SGCZ: variants seen among roughly 807,000 people sequenced by gnomAD.
SGCZ encodes the protein sarcoglycan zeta.
In SGCZ, 40 loss-of-function variants were observed where a neutral mutation model predicts 41.3. The observed-to-expected ratio is 0.97, with a 90% CI of 0.75 to 1.26. The LOEUF is 1.26. Ranked by LOEUF, SGCZ falls within the 50% of genes most tolerant of loss-of-function variation. The pLI, the probability that SGCZ is intolerant of heterozygous loss-of-function variation, is 0.00. For missense variants in SGCZ, 552 were observed against 369.8 expected, an observed-to-expected ratio of 1.49 and a Z score of -4.04; for synonymous variants, 206 against 137.5, an observed-to-expected ratio of 1.50 and a Z score of -3.49.
chr8:14,610,641 C>T (rs1190665246), intron 1 of SGCZ, among the ~76,000 whole-genome samples: 1 of 152,126 alleles, frequency 6.6e-6, no homozygotes, highest in African/African-American at 2.4e-5. Context: ...TAAAATTTTG[C>T]TTCCCCTACA....
chr8:14,651,576 C>A (rs13278643), intron 1 of SGCZ, among the ~76,000 whole-genome samples: 1 of 151,782 alleles, frequency 6.6e-6, no homozygotes, highest in Non-Finnish European at 1.5e-5. Context: ...TTCTTCACTA[C>A]GCACACTCAC....
At chr8:14,442,838 G>C (rs887012460) in intron 2 of SGCZ, among the ~76,000 whole-genome samples, 5 of 152,078 alleles carry the variant, frequency 3.3e-5, no homozygotes, top group African/African-American at 4.8e-5. Context: ...TTATCTTTAA[G>C]CTCTGTTATT....
chr8:14,999,169 G>C (rs1210681132), intron 1 of SGCZ, among the ~76,000 whole-genome samples: 2 of 152,150 alleles, frequency 1.3e-5, no homozygotes, highest in Non-Finnish European at 2.9e-5. Context: ...ACATATATGA[G>C]AAACGGTTCA....
At chr8:14,614,738 T>C (rs1035046820) in intron 1 of SGCZ, among the ~76,000 whole-genome samples, 1 of 151,888 alleles carries the variant, frequency 6.6e-6, no homozygotes, top group Admixed American at 6.6e-5. Context: ...GACTAATAAG[T>C]AGTTTTTGAT....
At chr8:14,351,196 C>T (rs1187510391) in intron 2 of SGCZ, among the ~76,000 whole-genome samples, 3 of 152,170 alleles carry the variant, frequency 2.0e-5, no homozygotes, top group Non-Finnish European at 4.4e-5. Flanking sequence ...ATTCTTATTA[C>T]TGGTATTACC....
chr8:14,407,352 T>A (rs1799240516), intron 2 of SGCZ, among the ~76,000 whole-genome samples: 1 of 152,098 alleles, frequency 6.6e-6, no homozygotes, highest in Admixed American at 6.6e-5. Context: ...AACTACACTT[T>A]TAAAATATTG....
intron 3 of SGCZ, among the ~76,000 whole-genome samples, chr8:14,297,662 T>G (rs1355075770): frequency 6.6e-6 from 1 of 151,892 alleles, no homozygotes; most frequent in East Asian, 1.9e-4. Context: ...ATGGAAAAAT[T>G]CCTTGAAAAA....
chr8:14,712,944 C>T (rs1237104454), intron 1 of SGCZ, among the ~76,000 whole-genome samples: 1 of 151,870 alleles, frequency 6.6e-6, no homozygotes, highest in Non-Finnish European at 1.5e-5. Flanking sequence ...AGCAGTAGGG[C>T]CAAGACACAA....
intron 1 of SGCZ, among the ~76,000 whole-genome samples, chr8:15,200,489 C>T (rs923563921): frequency 2.0e-5 from 3 of 152,018 alleles, no homozygotes; most frequent in Admixed American, 6.6e-5. Flanking sequence ...TCTGGAGCTC[C>T]CTTACCTAAA....
intron 1 of SGCZ, among the ~76,000 whole-genome samples, chr8:15,152,792 G>A (rs951078572): frequency 6.6e-6 from 1 of 152,204 alleles, no homozygotes; most frequent in East Asian, 1.9e-4. Flanking sequence ...GTATTGTCTA[G>A]AGCAAAAATA....
chr8:15,121,264 A>T (rs1056862304), intron 1 of SGCZ, among the ~76,000 whole-genome samples: 4 of 152,336 alleles, frequency 2.6e-5, no homozygotes, highest in Admixed American at 6.5e-5. Context: ...ACAATTACCA[A>T]TACTATCTGC....
intron 5 of SGCZ, among the ~76,000 whole-genome samples, chr8:14,160,540 T>C (rs1294108724): frequency 6.6e-6 from 1 of 152,190 alleles, no homozygotes; most frequent in Non-Finnish European, 1.5e-5. Context: ...ATATATTCAG[T>C]GATACAGAGA....
intron 1 of SGCZ, among the ~76,000 whole-genome samples, chr8:14,931,581 AT>A: frequency 6.6e-6 from 1 of 152,118 alleles, no homozygotes. Flanking sequence ...AAAAAATCTG[AT>A]TATGATAGTC....
chr8:14,697,425 A>G (rs1808999917), intron 1 of SGCZ, among the ~76,000 whole-genome samples: 1 of 152,206 alleles, frequency 6.6e-6, no homozygotes, highest in South Asian at 2.1e-4. Context: ...TATACTGCTT[A>G]TCTTTAAAAT....
chr8:14,759,375 G>A (rs1470955459), intron 1 of SGCZ, among the ~76,000 whole-genome samples: 2 of 151,982 alleles, frequency 1.3e-5, no homozygotes, highest in Non-Finnish European at 2.9e-5. Context: ...TTTGGTTTGA[G>A]GTTGTTTTCT....
At chr8:14,555,171 G>T (rs961677143) in intron 1 of SGCZ, among the ~76,000 whole-genome samples, 2 of 151,902 alleles carry the variant, frequency 1.3e-5, no homozygotes, top group Non-Finnish European at 2.9e-5. Context: ...TTTCCAGTCA[G>T]ATTTGTCCCA....
chr8:15,076,335 A>G (rs568888073), intron 1 of SGCZ, among the ~76,000 whole-genome samples: 10 of 152,310 alleles, frequency 6.6e-5, no homozygotes, highest in African/African-American at 2.4e-4. Flanking sequence ...GCTACAAACA[A>G]TTGAAGCGAG....
At chr8:14,744,506 T>A (rs534219243) in intron 1 of SGCZ, among the ~76,000 whole-genome samples, 4 of 152,144 alleles carry the variant, frequency 2.6e-5, no homozygotes, top group Non-Finnish European at 4.4e-5. Flanking sequence ...ACTTCCTTTT[T>A]TTCTGGAGAA....
intron 1 of SGCZ, among the ~76,000 whole-genome samples, chr8:14,885,562 C>T (rs559543607): frequency 3.3e-5 from 5 of 152,032 alleles, no homozygotes; most frequent in South Asian, 2.1e-4. Context: ...CTTTCACAGC[C>T]GGCATTATGA....
Sources: allele counts gnomAD v4.1 joint callset (sites outside exome capture counted in the v4.1 genomes callset), GRCh38; gene constraint gnomAD v4.1.1; transcripts MANE v1.5; gene names NCBI Gene and HGNC (gene_info 2026-07-23, HGNC 2026-07-21).